MSX2: variants seen among roughly 807,000 people sequenced by gnomAD.
MSX2 encodes the protein msh homeobox 2.
MSX2 carries 10 observed loss-of-function variants against 18.4 expected under a neutral mutation model. That is an observed-to-expected ratio of 0.54 (90% CI 0.34 to 0.92). The LOEUF (loss-of-function observed/expected upper bound fraction) is 0.92, where lower values mean the gene tolerates loss of function less well. Ranked by LOEUF, MSX2 falls within the 40% of genes least tolerant of loss-of-function variation. The pLI is 0.02. For synonymous variants in MSX2, 170 were observed against 165.6 expected (o/e 1.03, Z -0.20); for missense variants, 339 against 364.0 (o/e 0.93, Z 0.56).
In MSX2 at chr5:174,729,240, T is replaced by C; in HGVS notation, c.461T>C (p.Leu154Pro). ...KPRTPFTTSQ[L>P]LALERKFRQK... ...CGCACGCCCTTTACCACATCCCAGC[T>C]CCTCGCCCTGGAGCGCAAGTTCCGT... is the stretch of plus-strand genomic sequence containing the variant. Residue 154 changes from leucine to proline, a missense_variant, in exon 2 of 2, where the codon CTC (leucine) becomes CCC (proline). By Grantham distance (98) the Leu-to-Pro change is moderately conservative. Around this residue, in one of 2 missense-constraint regions of MSX2, gnomAD observed 128 missense variants for 178.6 expected, o/e 0.72. Transcript: ENST00000239243. The C allele has an allele frequency of 6.2e-7, 1 of 1,614,092 alleles. No homozygotes were observed. The highest frequency in any genetic ancestry group is 8.5e-7 in the Non-Finnish European group (1 of 1,180,036).
In MSX2 at chr5:174,729,636, T is replaced by C. The variant is rs1581520588; in HGVS notation, c.*53T>C. ...TGGATGCTTGTTTCAAAGGGTTTCC[T>C]CTCCCTCTCCACGAAGGCAGTACCA... On this transcript the variant is annotated 3_prime_UTR_variant, in exon 2 of 2. Coordinates refer to ENST00000239243, the MANE Select transcript of MSX2 (RefSeq NM_002449.5). The C allele has an allele frequency of 2.5e-6, 4 of 1,572,880 alleles. No homozygotes were observed. The South Asian group carries it at 4.4e-5, about 17-fold the overall frequency.
At chr5:174,728,190 C>T (rs1018629852) in intron 1 of MSX2, among the ~76,000 whole-genome samples, 1 of 152,188 alleles carries the variant, frequency 6.6e-6, no homozygotes, top group Admixed American at 6.5e-5. Context: ...AAATCATTTA[C>T]ACATTTGCCC....
chr5:174,724,832 C>G lies in MSX2; in HGVS notation c.173C>G (p.Pro58Arg). 3 of 1,551,210 alleles carry G rather than the reference C, an allele frequency of 1.9e-6. No homozygotes were observed. The highest frequency in any genetic ancestry group is 2.7e-5 in the African/African-American group (2 of 73,376). ...SVEALMSDKK[P>R]PKEASPLPAE... ...GAGGCGCTCATGTCCGACAAGAAGC[C>G]GCCCAAGGAGGCGTCCCCGCTGCCG... The change falls in exon 1 of 2, where the codon CCG becomes CGG. Residue 58 changes from proline (P) to arginine (R), a missense_variant. Transcript: ENST00000239243.
chr5:174,729,281 T>G lies in MSX2; in HGVS notation c.502T>G (p.Ser168Ala), dbSNP rs1346104549. The part of the protein sequence containing the change: ...ERKFRQKQYL[S>A]IAERAEFSSS... ...CAAGTTCCGTCAGAAACAGTACCTCTCCATTGCAGAGCGTGCAGAGTTCTC... is the reference window on the plus strand; with the variant it reads ...CAAGTTCCGTCAGAAACAGTACCTCGCCATTGCAGAGCGTGCAGAGTTCTC... Residue 168 changes from serine to alanine, a missense_variant, in exon 2 of 2, where the codon TCC becomes GCC. Physicochemically the swap from Ser to Ala is moderately conservative, Grantham distance 99. Around this residue, in one of 2 missense-constraint regions of MSX2, gnomAD observed 128 missense variants for 178.6 expected, o/e 0.72. Coordinates refer to ENST00000239243, the MANE Select transcript of MSX2 (RefSeq NM_002449.5). 6.2e-7 allele frequency: 1 copy of G among 1,614,006 alleles called. No homozygotes were observed. Among genetic ancestry groups the G allele is most frequent in the Admixed American group, 1.7e-5 (1 of 60,012 alleles).
chr5:174,725,839 C>A (rs1208616587), intron 1 of MSX2, among the ~76,000 whole-genome samples: 1 of 152,194 alleles, frequency 6.6e-6, no homozygotes, highest in Non-Finnish European at 1.5e-5. Context: ...CACTAGAACC[C>A]CCAAGTGTAG....
chr5:174,730,729 T>C lies in MSX2; in HGVS notation c.*1146T>C, dbSNP rs2890848. On this transcript the variant is annotated 3_prime_UTR_variant, in exon 2 of 2. Coordinates refer to ENST00000239243, the MANE Select transcript of MSX2 (RefSeq NM_002449.5). ...TGGGATTGTCAAACAGCCCATTAAG[T>C]TCCCTGGTATTTCACCTTCCTGTCC... 117,118 of 152,488 alleles carry C rather than the reference T, an allele frequency of 0.77. 46,822 individuals carry two copies. Among genetic ancestry groups the C allele is most frequent in the East Asian group, 0.98 (5,094 of 5,180 alleles). The allele number at this position is 152,488 out of a possible 1,614,324, so 9.4% of individuals were successfully genotyped here.
In MSX2 at chr5:174,729,659, C is replaced by A; in HGVS notation, c.*76C>A. 1 of 1,457,052 alleles carries A rather than the reference C, an allele frequency of 6.9e-7. No individual in the cohort carries two copies. The highest frequency in any genetic ancestry group is 1.4e-5 in the African/African-American group (1 of 72,194). The allele number at this position is 1,457,052 out of a possible 1,614,324, so 90.3% of individuals were successfully genotyped here. On this transcript the variant is annotated 3_prime_UTR_variant, in exon 2 of 2. Coordinates refer to ENST00000239243, the MANE Select transcript of MSX2 (RefSeq NM_002449.5). ...CCTCTCCCTCTCCACGAAGGCAGTA[C>A]CAGCCAGTACTCCTGCTCTGCTAAC...
chr5:174,729,779 G>A lies in MSX2; in HGVS notation c.*196G>A. The stretch of plus-strand genomic sequence containing the variant: ...CGGAGGCACCAAGCCCTGTTTTCTT[G>A]GTGTAATCTTCCAGATGCCCCCTTT... On this transcript the variant is annotated 3_prime_UTR_variant, in exon 2 of 2. Transcript: ENST00000239243. The A allele has an allele frequency of 3.7e-6, 2 of 535,632 alleles. No homozygotes were observed. Among genetic ancestry groups the A allele is most frequent in the Non-Finnish European group, 6.6e-6 (2 of 302,622 alleles). 33.2% of individuals were successfully genotyped at this position (535,632 alleles called of 1,614,324 possible).
At position 174,728,967 on chromosome 5, in the gene MSX2, ATGTGTG is replaced by A. The variant is rs59742982; in HGVS notation, c.380-168_380-163del. 0.14 allele frequency among the ~76,000 whole-genome samples: 20,938 copies of A among 145,186 alleles called. 2,170 individuals carry two copies. Among genetic ancestry groups the A allele is most frequent in the African/African-American group, 0.3 (11,880 of 39,580 alleles). On this transcript the variant is annotated intron_variant, in intron 1 of 1. Transcript: ENST00000239243. ...AAAGTATGTCTTTCCATACATAGAT[ATGTGTG>A]TGTGTGTGTGTGTGTGTGTGTGTAT...
intron 1 of MSX2, among the ~76,000 whole-genome samples, chr5:174,727,585 G>T (rs932999425): frequency 5.9e-5 from 9 of 152,170 alleles, no homozygotes; most frequent in African/African-American, 2.2e-4. Context: ...GTCTCTGACA[G>T]TGTTGTTAAT....
intron 1 of MSX2, among the ~76,000 whole-genome samples, chr5:174,727,454 G>T (rs1173808807): frequency 1.3e-5 from 2 of 152,218 alleles, no homozygotes; most frequent in African/African-American, 4.8e-5. Flanking sequence ...AAAACCCCAC[G>T]TAGAGCCAGG....
In MSX2 at chr5:174,724,986, A is replaced by G. The variant is rs763190795; in HGVS notation, c.327A>G (p.Ser109=). ...CCGCCTCGGTCAAGTCGGAAAATTCAGAAGATGGAGCGGCGTGGATGCAGG... is the reference window on the plus strand; with the variant it reads ...CCGCCTCGGTCAAGTCGGAAAATTCGGAAGATGGAGCGGCGTGGATGCAGG... The part of the protein sequence containing the change: ...FETASVKSEN[S]EDGAAWMQEP... The change falls in exon 1 of 2, where the codon TCA becomes TCG. Residue 109 remains serine, a synonymous_variant. Transcript: ENST00000239243. 1.9e-6 allele frequency: 3 copies of G among 1,609,684 alleles called. No individual in the cohort carries two copies. Among genetic ancestry groups the G allele is most frequent in the African/African-American group, 2.7e-5 (2 of 74,942 alleles).
intron 1 of MSX2, among the ~76,000 whole-genome samples, chr5:174,725,308 A>G (rs1760766785): frequency 6.6e-6 from 1 of 152,036 alleles, no homozygotes; most frequent in Admixed American, 6.5e-5. Context: ...AGCGAACCCC[A>G]GCTGGGTTTA....
intron 1 of MSX2, among the ~76,000 whole-genome samples, chr5:174,728,135 G>A (rs140230566): frequency 4.6e-5 from 7 of 152,268 alleles, no homozygotes; most frequent in Admixed American, 2.0e-4. Context: ...GAGTCTGGAT[G>A]CTGTTGGCAT....
chr5:174,729,230 A>G lies in MSX2; in HGVS notation c.451A>G (p.Thr151Ala), dbSNP rs1055665549. 28 of 1,614,108 alleles carry G rather than the reference A, an allele frequency of 1.7e-5. No homozygotes were observed. The highest frequency in any genetic ancestry group is 2.4e-5 in the Non-Finnish European group (28 of 1,180,034). Reference protein sequence around the residue: ...TNRKPRTPFTTSQLLALERKF... With the variant: ...TNRKPRTPFTASQLLALERKF... Reference sequence around the variant, plus strand: ...TCGGAAGCCGCGCACGCCCTTTACCACATCCCAGCTCCTCGCCCTGGAGCG... The same window carrying G: ...TCGGAAGCCGCGCACGCCCTTTACCGCATCCCAGCTCCTCGCCCTGGAGCG... The change falls in exon 2 of 2, where the codon ACA becomes GCA. Residue 151 changes from threonine to alanine, a missense_variant. Coordinates refer to ENST00000239243, the MANE Select transcript of MSX2 (RefSeq NM_002449.5).
At chr5:174,725,129 C>T (rs1581517087) in intron 1 of MSX2, 91 bp downstream of exon 1, 4 of 1,525,262 alleles carry the variant, frequency 2.6e-6, no homozygotes, top group South Asian at 1.3e-5. Context: ...TACCGAGACC[C>T]TTCTGCGTGC....
At position 174,725,010 on chromosome 5, in the gene MSX2, G is replaced by A. The variant is rs756598126; in HGVS notation, c.351G>A (p.Gln117=). 1.2e-6 allele frequency: 2 copies of A among 1,610,714 alleles called. No homozygotes were observed. The highest frequency in any genetic ancestry group is 1.7e-6 in the Non-Finnish European group (2 of 1,179,512). Residue 117 remains glutamine (Q), a synonymous_variant, in exon 1 of 2, where the codon CAG becomes CAA. Transcript: ENST00000239243. ...ENSEDGAAWM[Q]EPGRYSPPPR... ...CAGAAGATGGAGCGGCGTGGATGCA[G>A]GAACCCGGCCGATATTCGCCGCCGC...
In MSX2 at chr5:174,730,796, G is replaced by C. The variant is rs1396946715; in HGVS notation, c.*1213G>C. ...CGGTATACCTTTATCCCTTTGAAAGGGTGCTTGTACAATTTGATATATTTT... is the reference window on the plus strand; with the variant it reads ...CGGTATACCTTTATCCCTTTGAAAGCGTGCTTGTACAATTTGATATATTTT... On this transcript the variant is annotated 3_prime_UTR_variant, in exon 2 of 2. Transcript: ENST00000239243. 1.3e-5 allele frequency: 2 copies of C among 152,388 alleles called. No homozygotes were observed. The highest frequency in any genetic ancestry group is 2.9e-5 in the Non-Finnish European group (2 of 68,002). 9.4% of individuals were successfully genotyped at this position (152,388 alleles called of 1,614,324 possible).
rs886060434 is a variant in MSX2, at chr5:174,730,895, A to G, written c.*1312A>G. The G allele has an allele frequency of 1.1e-4, 17 of 152,636 alleles. No homozygotes were observed. Among genetic ancestry groups the G allele is most frequent in the Non-Finnish European group, 1.5e-5 (1 of 68,030 alleles). The allele number at this position is 152,636 out of a possible 1,614,324, so 9.5% of individuals were successfully genotyped here. On this transcript the variant is annotated 3_prime_UTR_variant, in exon 2 of 2. Coordinates refer to ENST00000239243, the MANE Select transcript of MSX2 (RefSeq NM_002449.5). ...TGCAGTAAAGTTTGTCCAAACTCAC[A>G]ATTATTTTAAGAGGTGTTCTCTGTT...
Sources: gnomAD v4.1 joint callset for allele counts (sites outside exome capture counted in the v4.1 genomes callset) on GRCh38, gnomAD v4.1.1 for gene constraint, gnomAD v4.1.1 regional missense constraint, MANE v1.5 for transcripts, NCBI Gene and HGNC (gene_info 2026-07-23, HGNC 2026-07-21) for gene names.